SLC37A1: variants seen among roughly 807,000 people sequenced by gnomAD.
The protein encoded by SLC37A1 is glucose-6-phosphate exchanger SLC37A1.
Under a neutral mutation model 75.3 loss-of-function variants are expected in SLC37A1, and 49 were observed. That is an observed-to-expected ratio of 0.65 (90% CI 0.52 to 0.83). The LOEUF is 0.83. Among genes scored for constraint, SLC37A1 ranks in the 40% least tolerant of loss-of-function variants. The pLI is 0.00. For synonymous variants in SLC37A1, 268 were observed against 292.1 expected, an observed-to-expected ratio of 0.92 and a Z score of 0.84; for missense variants, 566 against 695.0, an observed-to-expected ratio of 0.81 and a Z score of 2.09.
At chr21:42,539,228 T>C (rs1360038911) in intron 5 of SLC37A1, among the ~76,000 whole-genome samples, 2 of 152,252 alleles carry the variant, frequency 1.3e-5, no homozygotes, top group African/African-American at 4.8e-5. Flanking sequence ...TTTCCTTTCA[T>C]TGGCAGCTAT....
chr21:42,545,023 A>T lies in SLC37A1; in HGVS notation c.730+1421A>T, dbSNP rs2055371527. Among the ~76,000 whole-genome samples, 1 of 152,146 alleles carries T rather than the reference A, an allele frequency of 6.6e-6. No individual in the cohort carries two copies. The highest frequency in any genetic ancestry group is 6.5e-5 in the Admixed American group (1 of 15,282). On this transcript the variant is annotated intron_variant, in intron 8 of 19. Transcript: ENST00000352133. The surrounding 1 kb of genome is among the most constrained non-coding windows in gnomAD (Gnocchi z 4.0). ...GAAAGGAGCTTGCTCAATGGCCGGG[A>T]CCTCAGCACCCGCTCCAGGCATTCA...
intron 2 of SLC37A1, among the ~76,000 whole-genome samples, chr21:42,524,343 C>A (rs910915564): frequency 1.3e-5 from 2 of 152,182 alleles, no homozygotes; most frequent in Non-Finnish European, 2.9e-5. Context: ...TGGAGTTGCC[C>A]TTTGTCTTCT....
At chr21:42,535,429 AAAC>A in intron 4 of SLC37A1, 40 bp from the exon 5 acceptor site, 1 of 1,544,346 alleles carries the variant, frequency 6.5e-7, no homozygotes. Context: ...AACATAAACT[AAAC>A]AATACTGAGC....
chr21:42,576,762 A>C (rs2056318990), intron 18 of SLC37A1, among the ~76,000 whole-genome samples: 1 of 152,216 alleles, frequency 6.6e-6, no homozygotes, highest in African/African-American at 2.4e-5. Flanking sequence ...CTGGAAAAAG[A>C]CTCAATGGAT....
intron 13 of SLC37A1, 137 bp from the exon 14 acceptor site, chr21:42,564,571 G>A (rs923709584): frequency 1.1e-4 from 74 of 674,082 alleles, no homozygotes; most frequent in Admixed American, 2.3e-4. Context: ...GCTGTGAGAA[G>A]GCTGCCTGCC....
intron 8 of SLC37A1, among the ~76,000 whole-genome samples, chr21:42,546,501 G>A (rs1486135486): frequency 6.6e-5 from 10 of 152,196 alleles, no homozygotes; most frequent in Admixed American, 1.3e-4. Context: ...AATGAGAGTC[G>A]TGGGCTTGTC....
At chr21:42,507,833 C>T (rs2054398143) in intron 2 of SLC37A1, among the ~76,000 whole-genome samples, 1 of 152,142 alleles carries the variant, frequency 6.6e-6, no homozygotes, top group Admixed American at 6.5e-5. Context: ...AGCACCAAAC[C>T]ATTCCTGAGA....
At chr21:42,576,076 A>G (rs2056301734) in intron 18 of SLC37A1, 1 of 508,442 alleles carries the variant, frequency 2.0e-6, no homozygotes, top group Non-Finnish European at 2.5e-6. Flanking sequence ...TGTAAAGGCA[A>G]TATAAATACA....
At chr21:42,531,430 G>A (rs1204174151) in intron 3 of SLC37A1, among the ~76,000 whole-genome samples, 1 of 152,208 alleles carries the variant, frequency 6.6e-6, no homozygotes, top group African/African-American at 2.4e-5. Context: ...CCTCACATAA[G>A]TGTGGAGTTC....
intron 3 of SLC37A1, 73 bp from the exon 4 acceptor site, chr21:42,534,625 C>T: frequency 6.5e-7 from 1 of 1,530,654 alleles, no homozygotes; most frequent in Non-Finnish European, 8.8e-7. Context: ...GTGACTGTTC[C>T]TCTCTGTGCC....
At chr21:42,574,937 C>A in intron 18 of SLC37A1, 22 bp downstream of exon 18, 1 of 1,613,574 alleles carries the variant, frequency 6.2e-7, no homozygotes, top group Non-Finnish European at 8.5e-7. Context: ...TATTTTTAGT[C>A]CAATCCACCT....
At chr21:42,554,990 T>G (rs1171800076) in intron 10 of SLC37A1, among the ~76,000 whole-genome samples, 2 of 149,188 alleles carry the variant, frequency 1.3e-5, no homozygotes, top group Admixed American at 6.6e-5. Context: ...TTGTTTTTTT[T>G]TTTTTTTTTT....
intron 17 of SLC37A1, among the ~76,000 whole-genome samples, chr21:42,573,054 T>C (rs2056224021): frequency 6.6e-6 from 1 of 151,894 alleles, no homozygotes; most frequent in Non-Finnish European, 1.5e-5. Flanking sequence ...TGCCATGGCA[T>C]GGAAGCTTGG....
chr21:42,568,964 G>A (rs2056052776), intron 17 of SLC37A1, among the ~76,000 whole-genome samples: 1 of 152,256 alleles, frequency 6.6e-6, no homozygotes, highest in Non-Finnish European at 1.5e-5. Flanking sequence ...TGACGGCACG[G>A]CTGTGGCCTT....
intron 1 of SLC37A1, chr21:42,515,003 A>G (rs1485049040): frequency 1.3e-5 from 2 of 152,294 alleles, no homozygotes; most frequent in East Asian, 3.8e-4. Context: ...AGCAAGCTTG[A>G]AAACACCTGG....
At chr21:42,529,576 T>C (rs1255878400) in intron 3 of SLC37A1, among the ~76,000 whole-genome samples, 1 of 152,036 alleles carries the variant, frequency 6.6e-6, no homozygotes, top group African/African-American at 2.4e-5. Context: ...ATAAAATAAA[T>C]GGATTAAAGA....
At chr21:42,533,333 T>C (rs1310583073) in intron 3 of SLC37A1, among the ~76,000 whole-genome samples, 3 of 152,138 alleles carry the variant, frequency 2.0e-5, no homozygotes, top group East Asian at 1.9e-4. Flanking sequence ...TCACTCACGC[T>C]TGATGGGGCA....
chr21:42,574,394 G>T (rs988998705), intron 17 of SLC37A1, among the ~76,000 whole-genome samples: 1 of 152,220 alleles, frequency 6.6e-6, no homozygotes, highest in African/African-American at 2.4e-5. Flanking sequence ...CTGGGAAAAG[G>T]CTGTGCCAGC....
rs764415116 is a variant in SLC37A1 at position 42,574,885 on chromosome 21, G to C, written c.1491G>C (p.Met497Ile). 12 of 1,614,078 alleles carry C rather than the reference G, an allele frequency of 7.4e-6. No homozygotes were observed. The change falls in exon 18 of 20, where the codon ATG (methionine) becomes ATC (isoleucine). Residue 497 changes from methionine to isoleucine, a missense_variant. Coordinates refer to ENST00000352133, the MANE Select transcript of SLC37A1 (RefSeq NM_001320537.2). ...CCGGCTGGAGCAATGTGTTTTACAT[G>C]CTGATGTTTGCAGATGCCTGTGCCT... is the stretch of plus-strand genomic sequence containing the variant. Reference protein sequence around the residue: ...SPSGWSNVFYMLMFADACALL... With the variant: ...SPSGWSNVFYILMFADACALL...
Sources: gnomAD v4.1 joint callset for allele counts (sites outside exome capture counted in the v4.1 genomes callset) on GRCh38, gnomAD v4.1.1 for gene constraint, Gnocchi (gnomAD v3.1) non-coding constraint, MANE v1.5 for transcripts, NCBI Gene and HGNC (gene_info 2026-07-23, HGNC 2026-07-21) for gene names.